The following CAMTA1 variants were observed in gnomAD, a reference collection of about 807,000 sequenced individuals.
CAMTA1 encodes calmodulin-binding transcription activator 1.
CAMTA1 carries 27 observed loss-of-function variants against 170.9 expected under a neutral mutation model. That is an observed-to-expected ratio of 0.16 (90% CI 0.12 to 0.22). The LOEUF is 0.22. Ranked by LOEUF, CAMTA1 falls within the 10% of genes least tolerant of loss-of-function variation. The probability of loss-of-function intolerance (pLI) is 1.00; values close to 1 mark genes in which losing one functional copy is unlikely to be tolerated. For missense variants in CAMTA1, 1,619 were observed against 2,217.2 expected, an observed-to-expected ratio of 0.73 and a Z score of 5.42; for synonymous variants, 833 against 891.5, an observed-to-expected ratio of 0.93 and a Z score of 1.17.
At chr1:7,229,594 G>A (rs113053863) in intron 4 of CAMTA1, among the ~76,000 whole-genome samples, 3,412 of 124,462 alleles carry the variant, frequency 0.027, 240 homozygotes, top group African/African-American at 0.1. Context: ...AGGAGGGGAG[G>A]GCAGGAGGAG....
At chr1:6,895,854 G>T (rs919657572) in intron 3 of CAMTA1, among the ~76,000 whole-genome samples, 4 of 152,016 alleles carry the variant, frequency 2.6e-5, no homozygotes, top group African/African-American at 9.7e-5. Flanking sequence ...GGTTTTTTTC[G>T]TAGCATTTAT....
At chr1:7,169,168 A>G (rs895266592) in intron 4 of CAMTA1, among the ~76,000 whole-genome samples, 3 of 152,162 alleles carry the variant, frequency 2.0e-5, no homozygotes, top group East Asian at 3.8e-4. Flanking sequence ...ATTTTTAGAC[A>G]TTACTGGATT....
chr1:6,817,953 A>G (rs1646031463), intron 1 of CAMTA1, among the ~76,000 whole-genome samples: 1 of 152,246 alleles, frequency 6.6e-6, no homozygotes, highest in African/African-American at 2.4e-5. Context: ...CCTGAAAACA[A>G]TTTGACTTCT....
chr1:6,873,053 G>C (rs141723531), intron 3 of CAMTA1, among the ~76,000 whole-genome samples: 29 of 152,308 alleles, frequency 1.9e-4, no homozygotes, highest in African/African-American at 6.7e-4. Context: ...AGGCTCACGA[G>C]CTTGTTCTTG....
chr1:7,429,384 G>C (rs1407042865), intron 5 of CAMTA1, among the ~76,000 whole-genome samples: 1 of 152,198 alleles, frequency 6.6e-6, no homozygotes, highest in Non-Finnish European at 1.5e-5. Flanking sequence ...TGGTGGTGAT[G>C]ATGATGGTGA....
rs181760589 is a variant in CAMTA1, at chr1:7,238,569, C to T, written c.303-10922C>T. Among the ~76,000 whole-genome samples the T allele has an allele frequency of 1.3e-5, 2 of 152,320 alleles. 1 individual carries two copies. The highest frequency in any genetic ancestry group is 3.9e-4 in the East Asian group (2 of 5,182). On this transcript the variant is annotated intron_variant, in intron 4 of 22. Coordinates refer to ENST00000303635, the MANE Select transcript of CAMTA1 (RefSeq NM_015215.4). ...CAGCTTGAAACTCTACGCTGATGTT[C>T]ACTGATTTGTTCAGTTAATATTTAC...
At chr1:6,975,308 A>T (rs1287222099) in intron 3 of CAMTA1, among the ~76,000 whole-genome samples, 1 of 152,122 alleles carries the variant, frequency 6.6e-6, no homozygotes, top group East Asian at 1.9e-4. Context: ...TTTCGGTAAA[A>T]ATTAAGAAGC....
intron 11 of CAMTA1, among the ~76,000 whole-genome samples, chr1:7,720,911 T>C (rs1012138749): frequency 1.1e-4 from 16 of 152,178 alleles, no homozygotes; most frequent in Non-Finnish European, 2.1e-4. Flanking sequence ...GACCATCCTC[T>C]CTTGCCCCTG....
chr1:7,275,667 T>C (rs941399884), intron 5 of CAMTA1, among the ~76,000 whole-genome samples: 7 of 152,084 alleles, frequency 4.6e-5, no homozygotes, highest in African/African-American at 1.7e-4. Flanking sequence ...GCAACTTCAA[T>C]GAAATGGACA....
intron 3 of CAMTA1, among the ~76,000 whole-genome samples, chr1:7,032,352 AAATC>A (rs1446084789): frequency 6.6e-6 from 1 of 152,124 alleles, no homozygotes; most frequent in African/African-American, 2.4e-5. Context: ...GCTTATCTAT[AAATC>A]TTTGTTATTT....
Position 7,663,639 on chromosome 1 carries a change from C to T in CAMTA1, c.1092C>T (p.Ser364=), listed in dbSNP as rs370847468. The T allele has an allele frequency of 6.1e-5, 99 of 1,614,032 alleles. No homozygotes were observed. The highest frequency in any genetic ancestry group is 4.4e-4 in the South Asian group (40 of 91,080). The change falls in exon 9 of 23, where the codon AGC becomes AGT. Residue 364 remains serine, a synonymous_variant. Coordinates refer to ENST00000303635, the MANE Select transcript of CAMTA1 (RefSeq NM_015215.4). Reference sequence around the variant, plus strand: ...AGAGCTCCCCTGTGTCCATCAGCAGCGGGCTCAACAGCGACCCGGACATGG... The same window carrying T: ...AGAGCTCCCCTGTGTCCATCAGCAGTGGGCTCAACAGCGACCCGGACATGG... ...TTQSSPVSIS[S]GLNSDPDMVD... is the part of the protein sequence containing the mutation.
intron 4 of CAMTA1, among the ~76,000 whole-genome samples, chr1:7,196,850 G>A (rs1298141370): frequency 3.3e-5 from 5 of 152,274 alleles, no homozygotes; most frequent in East Asian, 3.9e-4. Flanking sequence ...TGCACATTCC[G>A]CTGAATGGCA....
At chr1:7,546,793 G>C (rs141677901) in intron 6 of CAMTA1, among the ~76,000 whole-genome samples, 1 of 151,818 alleles carries the variant, frequency 6.6e-6, no homozygotes, top group African/African-American at 2.4e-5. Flanking sequence ...TTGGCTGGAC[G>C]AACGTCTTAT....
intron 6 of CAMTA1, among the ~76,000 whole-genome samples, chr1:7,636,438 C>T (rs145018855): frequency 0.011 from 1,639 of 152,238 alleles, 26 homozygotes; most frequent in South Asian, 0.017. Flanking sequence ...GCTTCCCGGC[C>T]GGGTGCAGTG....
At chr1:6,961,198 C>G (rs1690336222) in intron 3 of CAMTA1, among the ~76,000 whole-genome samples, 2 of 152,154 alleles carry the variant, frequency 1.3e-5, no homozygotes, top group South Asian at 4.1e-4. Context: ...GTTAAGTTTC[C>G]TTTGTTGTAA....
At chr1:7,267,564 C>G (rs1452661576) in intron 5 of CAMTA1, among the ~76,000 whole-genome samples, 1 of 152,200 alleles carries the variant, frequency 6.6e-6, no homozygotes. Flanking sequence ...CTGTGACATA[C>G]TCCATATTTA....
chr1:7,158,075 C>T (rs559147004), intron 4 of CAMTA1, among the ~76,000 whole-genome samples: 2 of 152,254 alleles, frequency 1.3e-5, no homozygotes, highest in African/African-American at 2.4e-5. Flanking sequence ...AGGAGAATGG[C>T]GTGAACCCGG....
intron 5 of CAMTA1, among the ~76,000 whole-genome samples, chr1:7,465,379 T>C (rs2093186268): frequency 6.6e-6 from 1 of 152,188 alleles, no homozygotes; most frequent in Non-Finnish European, 1.5e-5. Context: ...TGTAGCTTTT[T>C]TCTTTCCTCC....
At chr1:7,702,434 T>C (rs961751060) in intron 11 of CAMTA1, among the ~76,000 whole-genome samples, 5 of 152,192 alleles carry the variant, frequency 3.3e-5, no homozygotes, top group Admixed American at 2.6e-4. Context: ...TTCAGGTGCC[T>C]GAACTGGATC....
Sources: allele counts gnomAD v4.1 joint callset (sites outside exome capture counted in the v4.1 genomes callset), GRCh38; gene constraint gnomAD v4.1.1; transcripts MANE v1.5; gene names NCBI Gene and HGNC (gene_info 2026-07-23, HGNC 2026-07-21).